The following ABHD3 variants were observed in gnomAD, a reference collection of about 807,000 sequenced individuals.
The protein encoded by ABHD3 is abhydrolase domain containing 3, phospholipase, also known as phospholipase ABHD3.
A neutral mutation model predicts 48.8 loss-of-function variants in ABHD3; 46 were observed. That is an observed-to-expected ratio of 0.94 (90% confidence interval 0.74 to 1.20). ABHD3 has a LOEUF of 1.20. ABHD3 is among the 50% of genes most tolerant of loss of function. ABHD3 has a pLI of 0.00. For synonymous variants in ABHD3, 192 were observed against 183.7 expected, an observed-to-expected ratio of 1.04 and a Z score of -0.36; for missense variants, 490 against 497.8, an observed-to-expected ratio of 0.98 and a Z score of 0.15.
At chr18:21,700,827 CAAAA>C (rs375239917) in intron 3 of ABHD3, among the ~76,000 whole-genome samples, 10,469 of 94,220 alleles carry the variant, frequency 0.11, 1,553 homozygotes, top group African/African-American at 0.35. Flanking sequence ...AAGTTTTAGC[CAAAA>C]AAAAAAAAAA....
chr18:21,668,217 A>AAAAAAAAAAAAAAAAAAG (rs1370034550), intron 4 of ABHD3, among the ~76,000 whole-genome samples: 1 of 137,568 alleles, frequency 7.3e-6, no homozygotes, highest in Non-Finnish European at 1.6e-5. Context: ...AAAAAAAAAA[A>AAAAAAAAAAAAAAAAAAG]AAAGAAAGAA....
chr18:21,671,916 C>G (rs1021792638), intron 4 of ABHD3, among the ~76,000 whole-genome samples: 2 of 152,078 alleles, frequency 1.3e-5, no homozygotes, highest in African/African-American at 4.8e-5. Context: ...GGATTACAGG[C>G]GTGAGCCACC....
intron 3 of ABHD3, among the ~76,000 whole-genome samples, chr18:21,697,688 A>G (rs1037142020): frequency 1.3e-5 from 2 of 152,114 alleles, no homozygotes; most frequent in African/African-American, 4.8e-5. Context: ...GCCTCATTCT[A>G]TTTACCTTTG....
intron 3 of ABHD3, chr18:21,701,195 C>T (rs1446458892): frequency 1.3e-5 from 2 of 150,832 alleles, no homozygotes; most frequent in African/African-American, 4.9e-5. Context: ...CATCAAACAT[C>T]AAAATGTTCT....
At chr18:21,703,998 T>G (rs529506896) in intron 1 of ABHD3, among the ~76,000 whole-genome samples, 1 of 152,236 alleles carries the variant, frequency 6.6e-6, no homozygotes, top group South Asian at 2.1e-4. Context: ...TTCAGGGGAT[T>G]CTCCTGCCTC....
In ABHD3 at chr18:21,664,241, T is replaced by A. The variant is rs780603209; in HGVS notation, c.556-11A>T. On this transcript the variant is annotated splice_polypyrimidine_tract_variant and intron_variant, in intron 4 of 8. Transcript: ENST00000289119. ...ATAAGTCCTTGGCGTCTGGAAGTAG[T>A]GACAAGTAAAGCACAAAAATTACAA... 3.7e-6 allele frequency: 6 copies of A among 1,602,486 alleles called. No individual in the cohort carries two copies. Among genetic ancestry groups the A allele is most frequent in the Non-Finnish European group, 5.1e-6 (6 of 1,177,420 alleles).
At chr18:21,663,625 T>C in intron 5 of ABHD3, 2 of 1,515,934 alleles carry the variant, frequency 1.3e-6, no homozygotes, top group Non-Finnish European at 1.8e-6. Flanking sequence ...AGGAGAGCAC[T>C]CCACAGTAGT....
At chr18:21,663,867 T>C (rs2039559590) in intron 5 of ABHD3, 7 of 1,477,078 alleles carry the variant, frequency 4.7e-6, no homozygotes, top group African/African-American at 1.4e-5. Flanking sequence ...CTTCATGGGC[T>C]TCAGACAAAC....
In ABHD3 at chr18:21,683,915, C is replaced by T. The variant is rs780021131; in HGVS notation, c.555+5G>A. 2.5e-6 allele frequency: 4 copies of T among 1,588,332 alleles called. 1 individual carries two copies. Among genetic ancestry groups the T allele is most frequent in the South Asian group, 2.3e-5 (2 of 85,784 alleles). The stretch of plus-strand genomic sequence containing the variant: ...TTAAGACTGTTGTCATTTAAATTTA[C>T]TTACCAAGAGATTCTCCCCCGCCAC... On this transcript the variant is annotated splice_donor_5th_base_variant and intron_variant, in intron 4 of 8. Transcript: ENST00000289119.
chr18:21,652,524 C>A (rs1375141761), intron 8 of ABHD3, among the ~76,000 whole-genome samples: 1 of 152,150 alleles, frequency 6.6e-6, no homozygotes, highest in Non-Finnish European at 1.5e-5. Context: ...TGCCTGTAAT[C>A]CCAGCACTTT....
intron 3 of ABHD3, among the ~76,000 whole-genome samples, chr18:21,689,289 C>T (rs1328352857): frequency 1.3e-5 from 2 of 152,096 alleles, no homozygotes; most frequent in Non-Finnish European, 2.9e-5. Flanking sequence ...GTGCTCATGC[C>T]TGTAATCTCA....
chr18:21,688,355 G>A (rs1278827856), intron 3 of ABHD3, among the ~76,000 whole-genome samples: 1 of 152,168 alleles, frequency 6.6e-6, no homozygotes, highest in Non-Finnish European at 1.5e-5. Context: ...AACATTCAGA[G>A]ATCAGCTAGT....
At chr18:21,663,844 G>C in intron 5 of ABHD3, 1 of 1,516,270 alleles carries the variant, frequency 6.6e-7, no homozygotes. Flanking sequence ...CAGCCGGTGA[G>C]TGATGCAATC....
chr18:21,693,865 T>G (rs1233463836), intron 3 of ABHD3, among the ~76,000 whole-genome samples: 1 of 152,208 alleles, frequency 6.6e-6, no homozygotes, highest in Non-Finnish European at 1.5e-5. Context: ...TGCTTTTAGA[T>G]GAGGGAAAGC....
chr18:21,685,890 G>T (rs936407603), intron 3 of ABHD3, among the ~76,000 whole-genome samples: 1 of 152,228 alleles, frequency 6.6e-6, no homozygotes, highest in Non-Finnish European at 1.5e-5. Flanking sequence ...TAGAGATGGG[G>T]TTTCCCCATG....
chr18:21,670,804 C>G (rs1309658525), intron 4 of ABHD3, among the ~76,000 whole-genome samples: 1 of 152,140 alleles, frequency 6.6e-6, no homozygotes, highest in Non-Finnish European at 1.5e-5. Flanking sequence ...CACTTGAGGT[C>G]AGGAGTTCGA....
In ABHD3 at chr18:21,700,917, C is replaced by T. The variant is rs78033594; in HGVS notation, c.509+1399G>A. On this transcript the variant is annotated intron_variant, in intron 3 of 8. Coordinates refer to ENST00000289119, the MANE Select transcript of ABHD3 (RefSeq NM_138340.5). ...GCAGTGAACCATGATCATGCCACTG[C>T]GCTCCATGCTGGGCAACAGAGCCAG... Among the ~76,000 whole-genome samples, 1,065 of 136,288 alleles carry T rather than the reference C, an allele frequency of 7.8e-3. 23 individuals are homozygous for T. The highest frequency in any genetic ancestry group is 0.027 in the African/African-American group (968 of 35,502). The allele number at this position is 136,288 out of a possible 152,430, so 89.4% of individuals were successfully genotyped here. A position where few individuals can be genotyped will look rare whatever the true frequency, so the allele number is the denominator to read the frequency against.
chr18:21,689,549 CAAAAAAAAAAA>C (rs36011228), intron 3 of ABHD3, among the ~76,000 whole-genome samples: 2 of 41,808 alleles, frequency 4.8e-5, no homozygotes, highest in Admixed American at 3.8e-4. Flanking sequence ...AATCTGGTCT[CAAAAAAAAAAA>C]AAAAAAAAAA....
Position 21,703,668 on chromosome 18 carries a change from T to C in ABHD3, c.242A>G (p.Tyr81Cys). The C allele has an allele frequency of 4.3e-6, 7 of 1,613,978 alleles. No individual in the cohort carries two copies. Among genetic ancestry groups the C allele is most frequent in the Middle Eastern group, 1.6e-4 (1 of 6,062 alleles). ...DHCPVVTETYYPTVWCWEGRG... is the reference protein window; with the variant it reads ...DHCPVVTETYCPTVWCWEGRG... ...ACCCTCCCAGCACCAGACCGTCGGG[T>C]AGTACGTTTCTGTAACCACGGGACA... The change falls in exon 2 of 9, where the codon TAC (tyrosine) becomes TGC (cysteine). Residue 81 changes from tyrosine to cysteine, a missense_variant. Transcript: ENST00000289119.
Sources: allele counts gnomAD v4.1 joint callset (sites outside exome capture counted in the v4.1 genomes callset), GRCh38; gene constraint gnomAD v4.1.1; transcripts MANE v1.5; gene names NCBI Gene and HGNC (gene_info 2026-07-23, HGNC 2026-07-21).